The following TAFA2 variants were observed in gnomAD, a reference collection of about 807,000 sequenced individuals.
TAFA2 encodes the protein TAFA chemokine like family member 2, also known as chemokine-like protein TAFA-2.
A neutral mutation model predicts 18.8 loss-of-function variants in TAFA2; 7 were observed. That is an observed-to-expected ratio of 0.37 (90% CI 0.21 to 0.70). The LOEUF (loss-of-function observed/expected upper bound fraction) is 0.70, where lower values mean the gene tolerates loss of function less well. Ranked by LOEUF, TAFA2 falls within the 30% of genes least tolerant of loss-of-function variation. TAFA2 has a pLI of 0.53. For missense variants in TAFA2, 122 were observed against 158.1 expected, an observed-to-expected ratio of 0.77 and a Z score of 1.23; for synonymous variants, 60 against 54.2, an observed-to-expected ratio of 1.11 and a Z score of -0.47.
intron 1 of TAFA2, among the ~76,000 whole-genome samples, chr12:61,973,395 A>ATTTTTTTTT (rs33918768): frequency 7.4e-6 from 1 of 135,552 alleles, no homozygotes; most frequent in Non-Finnish European, 1.6e-5. Flanking sequence ...TATTATTTAG[A>ATTTTTTTTT]TTTTTTTTTT....
Position 62,110,270 on chromosome 12 carries a change from T to C in TAFA2, c.-2+80989A>G, listed in dbSNP as rs538342549. On this transcript the variant is annotated intron_variant, in intron 1 of 4. Coordinates refer to ENST00000416284, the MANE Select transcript of TAFA2 (RefSeq NM_178539.5). ...TTCGTCATTGCTTCTGTTTATATAA[T>C]GGATTCTCTTTATTGATTTGTGTAT... Among the ~76,000 whole-genome samples the C allele has an allele frequency of 2.6e-5, 4 of 152,326 alleles. No homozygotes were observed. In the South Asian group the frequency reaches 8.3e-4, roughly 32 times the overall value.
Position 61,752,039 on chromosome 12 carries a change from T to C in TAFA2, c.384+1583A>G, listed in dbSNP as rs142337480. 4.6e-5 allele frequency among the ~76,000 whole-genome samples: 7 copies of C among 152,162 alleles called. No individual in the cohort carries two copies. In the East Asian group the frequency reaches 1.4e-3, roughly 30 times the overall value. On this transcript the variant is annotated intron_variant, in intron 4 of 4. Coordinates refer to ENST00000416284, the MANE Select transcript of TAFA2 (RefSeq NM_178539.5). ...TTAGTACAAAGTACAGGTTAAAAGA[T>C]TGGGTTTTGGAATGGAACTACATGT...
In TAFA2 at chr12:61,927,705, C is replaced by A. The variant is rs538013293; in HGVS notation, c.-1-60279G>T. On this transcript the variant is annotated intron_variant, in intron 1 of 4. Coordinates refer to ENST00000416284, the MANE Select transcript of TAFA2 (RefSeq NM_178539.5). ...CAAAAAAGAGTCCGTATAGCCAAGA[C>A]AATCCTAACCAAAAAGAACAAAGCT... Among the ~76,000 whole-genome samples, 12 of 152,300 alleles carry A rather than the reference C, an allele frequency of 7.9e-5. No homozygotes were observed. The South Asian group carries it at 2.1e-3, about 26-fold the overall frequency.
intron 1 of TAFA2, among the ~76,000 whole-genome samples, chr12:62,217,805 A>G (rs2062741871): frequency 6.6e-6 from 1 of 152,176 alleles, no homozygotes. Flanking sequence ...CTTTCAGACA[A>G]ATTTGCATCT....
chr12:61,879,524 A>C, intron 1 of TAFA2: 1 of 715,076 alleles, frequency 1.4e-6, no homozygotes, highest in Non-Finnish European at 2.5e-6. Flanking sequence ...GTCATGGTCA[A>C]CCAGAGCCTG....
chr12:61,952,506 A>G (rs1383409959), intron 1 of TAFA2, among the ~76,000 whole-genome samples: 1 of 152,132 alleles, frequency 6.6e-6, no homozygotes, highest in African/African-American at 2.4e-5. Flanking sequence ...TCCAGTAATT[A>G]AATATTTTTT....
At chr12:61,836,439 A>C (rs907216932) in intron 2 of TAFA2, among the ~76,000 whole-genome samples, 1 of 151,868 alleles carries the variant, frequency 6.6e-6, no homozygotes, top group African/African-American at 2.4e-5. Context: ...CTCTATTCAA[A>C]GGGCCCATCT....
At chr12:61,821,167 T>A (rs1292829137) in intron 2 of TAFA2, among the ~76,000 whole-genome samples, 4 of 123,400 alleles carry the variant, frequency 3.2e-5, no homozygotes, top group Admixed American at 7.8e-5. Context: ...ACACACACAA[T>A]TATTTGGAGG....
chr12:62,260,002 C>G (rs2062984113), upstream of TAFA2: 1 of 204,880 alleles, frequency 4.9e-6, no homozygotes, highest in Non-Finnish European at 1.0e-5. Context: ...ACCACCGCCC[C>G]ACCCTACCTC....
intron 1 of TAFA2, among the ~76,000 whole-genome samples, chr12:62,105,250 A>G (rs1869396568): frequency 6.6e-6 from 1 of 152,352 alleles, no homozygotes; most frequent in East Asian, 1.9e-4. Context: ...TAAACCATTA[A>G]ATCAGCACAA....
At chr12:62,062,902 T>C (rs1882389270) in intron 1 of TAFA2, among the ~76,000 whole-genome samples, 1 of 152,160 alleles carries the variant, frequency 6.6e-6, no homozygotes, top group South Asian at 2.1e-4. Context: ...TTCTTCTGCC[T>C]TCAAAGCCAG....
At chr12:61,721,156 A>G (rs1350893047) in intron 4 of TAFA2, among the ~76,000 whole-genome samples, 1 of 152,194 alleles carries the variant, frequency 6.6e-6, no homozygotes, top group Non-Finnish European at 1.5e-5. Context: ...AATGGGACTA[A>G]AATAAACAGT....
At chr12:62,237,605 C>T (rs1028126085) in intron 1 of TAFA2, among the ~76,000 whole-genome samples, 3 of 152,168 alleles carry the variant, frequency 2.0e-5, no homozygotes, top group East Asian at 3.8e-4. Flanking sequence ...TATAAACATA[C>T]ATGTGTTGCT....
chr12:62,008,770 A>G (rs958654929), intron 1 of TAFA2, among the ~76,000 whole-genome samples: 8 of 152,170 alleles, frequency 5.3e-5, no homozygotes, highest in Non-Finnish European at 1.2e-4. Flanking sequence ...AGATGATTGC[A>G]GTTATTTGGT....
intron 1 of TAFA2, among the ~76,000 whole-genome samples, chr12:62,158,112 C>T (rs932645378): frequency 3.3e-5 from 5 of 152,142 alleles, no homozygotes; most frequent in Non-Finnish European, 7.3e-5. Context: ...CATGGTTTAT[C>T]CCAAATAAAT....
At chr12:61,802,843 A>G (rs1001368246) in intron 2 of TAFA2, among the ~76,000 whole-genome samples, 4 of 152,022 alleles carry the variant, frequency 2.6e-5, no homozygotes, top group Non-Finnish European at 4.4e-5. Flanking sequence ...TTGGAATATC[A>G]CTCTATATTC....
At chr12:62,214,325 T>C (rs1302083150) in intron 1 of TAFA2, among the ~76,000 whole-genome samples, 1 of 152,158 alleles carries the variant, frequency 6.6e-6, no homozygotes, top group African/African-American at 2.4e-5. Flanking sequence ...CGAGATCTGA[T>C]GGTTTTCAAA....
At chr12:62,056,396 C>G (rs1882188898) in intron 1 of TAFA2, among the ~76,000 whole-genome samples, 2 of 152,174 alleles carry the variant, frequency 1.3e-5, no homozygotes, top group African/African-American at 4.8e-5. Flanking sequence ...AAAAGTTCAA[C>G]TGATGTTTAC....
At chr12:62,166,175 A>C (rs1030197456) in intron 1 of TAFA2, among the ~76,000 whole-genome samples, 1 of 151,952 alleles carries the variant, frequency 6.6e-6, no homozygotes, top group Non-Finnish European at 1.5e-5. Context: ...CTTATTCTTT[A>C]AAAAAATTAT....
Sources: gnomAD v4.1 joint callset for allele counts (sites outside exome capture counted in the v4.1 genomes callset) on GRCh38, gnomAD v4.1.1 for gene constraint, MANE v1.5 for transcripts, NCBI Gene and HGNC (gene_info 2026-07-23, HGNC 2026-07-21) for gene names.